Variants in NRG3 observed in about 807,000 individuals in gnomAD.
NRG3 encodes pro-neuregulin-3, membrane-bound isoform.
Under a neutral mutation model 66.9 loss-of-function variants are expected in NRG3, and 31 were observed. That is an observed-to-expected ratio of 0.46 (90% CI 0.35 to 0.63). NRG3 has a LOEUF of 0.63. Ranked by LOEUF, NRG3 falls within the 20% of genes least tolerant of loss-of-function variation. The pLI, the probability that NRG3 is intolerant of heterozygous loss-of-function variation, is 0.00. For missense variants in NRG3, 910 were observed against 878.9 expected, an observed-to-expected ratio of 1.04 and a Z score of -0.45; for synonymous variants, 393 against 359.4, an observed-to-expected ratio of 1.09 and a Z score of -1.06.
chr10:82,361,170 G>T (rs1308268021), intron 2 of NRG3, among the ~76,000 whole-genome samples: 1 of 152,126 alleles, frequency 6.6e-6, no homozygotes, highest in Non-Finnish European at 1.5e-5. Flanking sequence ...TCTAATTTTT[G>T]TAACACACAT....
chr10:82,211,685 A>T (rs1400790116), intron 1 of NRG3, among the ~76,000 whole-genome samples: 9 of 152,186 alleles, frequency 5.9e-5, no homozygotes, highest in African/African-American at 1.7e-4. Flanking sequence ...CTTCAGGACT[A>T]TTTGGAAATT....
At chr10:82,427,144 T>G (rs2089501229) in intron 2 of NRG3, among the ~76,000 whole-genome samples, 1 of 152,152 alleles carries the variant, frequency 6.6e-6, no homozygotes, top group African/African-American at 2.4e-5. Context: ...ATAGAGATGG[T>G]TTTACTTTTT....
rs117917599 is a variant in NRG3, at chr10:81,924,958, G to A, written c.823+48795G>A. Among the ~76,000 whole-genome samples, 36 of 151,458 alleles carry A rather than the reference G, an allele frequency of 2.4e-4. No individual in the cohort carries two copies. In the East Asian group the frequency reaches 6.2e-3, roughly 26 times the overall value. ...AGAGAAAAAAAAGGCCTAAAGAAGG[G>A]GAATAATTAAATATGCTTTTAGATT... On this transcript the variant is annotated intron_variant, in intron 1 of 8. Coordinates refer to ENST00000372141, the MANE Select transcript of NRG3 (RefSeq NM_001010848.4).
chr10:82,664,873 G>A (rs1287926380), intron 2 of NRG3, among the ~76,000 whole-genome samples: 1 of 151,988 alleles, frequency 6.6e-6, no homozygotes, highest in Non-Finnish European at 1.5e-5. Context: ...GCCTCGAGTT[G>A]AAGAGACCAC....
intron 3 of NRG3, among the ~76,000 whole-genome samples, chr10:82,777,066 T>C (rs547336623): frequency 6.6e-6 from 1 of 152,278 alleles, no homozygotes; most frequent in African/African-American, 2.4e-5. Flanking sequence ...AGATTGTTTT[T>C]TGTAGGAAAA....
At chr10:81,885,950 A>G (rs1237184480) in intron 1 of NRG3, among the ~76,000 whole-genome samples, 1 of 152,126 alleles carries the variant, frequency 6.6e-6, no homozygotes, top group East Asian at 1.9e-4. Flanking sequence ...GCTTGACTGA[A>G]TTCTATTTCA....
chr10:82,130,817 C>T (rs1013934529), intron 1 of NRG3, among the ~76,000 whole-genome samples: 1 of 152,066 alleles, frequency 6.6e-6, no homozygotes, highest in African/African-American at 2.4e-5. Context: ...TTTCATCTGC[C>T]TGTTTGCCAT....
intron 2 of NRG3, among the ~76,000 whole-genome samples, chr10:82,378,101 C>T (rs1267600322): frequency 1.3e-5 from 2 of 152,232 alleles, no homozygotes; most frequent in East Asian, 1.9e-4. Context: ...AGGATTGTTT[C>T]GTTTGTTTTT....
chr10:82,176,629 T>G (rs1394618853), intron 1 of NRG3, among the ~76,000 whole-genome samples: 1 of 152,142 alleles, frequency 6.6e-6, no homozygotes, highest in African/African-American at 2.4e-5. Flanking sequence ...GGTTGAATGC[T>G]GTAGAGTTGC....
intron 4 of NRG3, among the ~76,000 whole-genome samples, chr10:82,948,584 T>G (rs1849239466): frequency 6.6e-6 from 1 of 152,126 alleles, no homozygotes. Context: ...TTATATCTAT[T>G]TATTTAGATC....
intron 2 of NRG3, among the ~76,000 whole-genome samples, chr10:82,503,442 C>A (rs1844386238): frequency 1.3e-5 from 2 of 152,116 alleles, no homozygotes; most frequent in Non-Finnish European, 2.9e-5. Flanking sequence ...AGTTTTACCT[C>A]CACTTGGTAA....
At chr10:82,044,315 C>A (rs1360173495) in intron 1 of NRG3, among the ~76,000 whole-genome samples, 1 of 152,006 alleles carries the variant, frequency 6.6e-6, no homozygotes, top group Non-Finnish European at 1.5e-5. Flanking sequence ...TGGGGCAAGG[C>A]AGCACCTAAC....
chr10:82,504,047 A>G (rs1301352134), intron 2 of NRG3, among the ~76,000 whole-genome samples: 1 of 152,224 alleles, frequency 6.6e-6, no homozygotes, highest in East Asian at 1.9e-4. Context: ...AAGATGAACC[A>G]AAGCTGACAC....
At chr10:82,497,182 G>A (rs749566127) in intron 2 of NRG3, among the ~76,000 whole-genome samples, 4 of 151,996 alleles carry the variant, frequency 2.6e-5, no homozygotes, top group African/African-American at 7.2e-5. Flanking sequence ...CATCCTTCTC[G>A]TTAAATCTTG....
At chr10:82,065,565 TA>T (rs945638264) in intron 1 of NRG3, among the ~76,000 whole-genome samples, 10 of 151,686 alleles carry the variant, frequency 6.6e-5, no homozygotes, top group South Asian at 2.1e-4. Context: ...TAGTACATGT[TA>T]AAAAAAAATT....
chr10:82,353,279 C>T (rs2083549392), intron 1 of NRG3, among the ~76,000 whole-genome samples: 1 of 152,180 alleles, frequency 6.6e-6, no homozygotes, highest in Non-Finnish European at 1.5e-5. Flanking sequence ...ACATAGAAAC[C>T]TCCGTAAGTA....
At chr10:82,880,124 G>C (rs2136052552) in intron 4 of NRG3, among the ~76,000 whole-genome samples, 1 of 152,152 alleles carries the variant, frequency 6.6e-6, no homozygotes, top group African/African-American at 2.4e-5. Flanking sequence ...TAAGTTATGG[G>C]CATGGTAGGT....
intron 2 of NRG3, among the ~76,000 whole-genome samples, chr10:82,475,862 T>C (rs1329627499): frequency 6.6e-6 from 1 of 152,090 alleles, no homozygotes; most frequent in Non-Finnish European, 1.5e-5. Flanking sequence ...AATTAAAAAC[T>C]TTCATGCATT....
chr10:82,538,828 T>C (rs951083822), intron 2 of NRG3, among the ~76,000 whole-genome samples: 1 of 152,136 alleles, frequency 6.6e-6, no homozygotes, highest in Admixed American at 6.5e-5. Context: ...GTCCAAACCA[T>C]GTATTAATAG....
Sources: allele counts gnomAD v4.1 joint callset (sites outside exome capture counted in the v4.1 genomes callset), GRCh38; gene constraint gnomAD v4.1.1; transcripts MANE v1.5; gene names NCBI Gene and HGNC (gene_info 2026-07-23, HGNC 2026-07-21).